The following NOTCH2 variants were observed in gnomAD, a reference collection of about 807,000 sequenced individuals.
NOTCH2 encodes the protein neurogenic locus notch homolog protein 2.
A neutral mutation model predicts 235.8 loss-of-function variants in NOTCH2; 29 were observed. The observed-to-expected ratio is 0.12, with a 90% confidence interval of 0.09 to 0.17. The LOEUF (loss-of-function observed/expected upper bound fraction) is 0.17. Among genes scored for constraint, NOTCH2 ranks in the 10% least tolerant of loss-of-function variants. The probability of loss-of-function intolerance (pLI) is 1.00; values close to 1 mark genes in which losing one functional copy is unlikely to be tolerated. For missense variants in NOTCH2, 2,285 were observed against 3,150.2 expected, an observed-to-expected ratio of 0.73 and a Z score of 6.57; for synonymous variants, 1,086 against 1,141.5, an observed-to-expected ratio of 0.95 and a Z score of 0.98.
At chr1:119,958,446 A>G (rs587651182) in intron 12 of NOTCH2, among the ~76,000 whole-genome samples, 5 of 152,380 alleles carry the variant, frequency 3.3e-5, no homozygotes, top group East Asian at 1.9e-4. Context: ...TGCTTTCTGC[A>G]GACTCTATCA....
Position 120,005,332 on chromosome 1 carries a change from T to C in NOTCH2, c.412A>G (p.Thr138Ala). 1 of 1,614,054 alleles carries C rather than the reference T, an allele frequency of 6.2e-7. No homozygotes were observed. Residue 138 changes from threonine to alanine, a missense_variant, in exon 3 of 34, where the codon ACA (threonine) becomes GCA (alanine). Transcript: ENST00000256646. The part of the protein sequence containing the change: ...TYECTCQVGF[T>A]GKECQWTDAC... Reference sequence around the variant, plus strand: ...TGGCTTTGGTCTCATTAGTTACCTGTAAACCCGACTTGACAGGTGCACTCA... The same window carrying C: ...TGGCTTTGGTCTCATTAGTTACCTGCAAACCCGACTTGACAGGTGCACTCA...
At chr1:119,971,811 A>G (rs1651371487) in intron 5 of NOTCH2, among the ~76,000 whole-genome samples, 2 of 152,234 alleles carry the variant, frequency 1.3e-5, no homozygotes, top group African/African-American at 4.8e-5. Context: ...CTGAAGCCCA[A>G]CTACTAGTAA....
intron 11 of NOTCH2, among the ~76,000 whole-genome samples, chr1:119,961,218 A>G (rs1251498589): frequency 1.3e-5 from 2 of 152,190 alleles, no homozygotes; most frequent in African/African-American, 2.4e-5. Flanking sequence ...CTGTACTGTC[A>G]TCCCATGATT....
At chr1:119,969,240 G>GCACT (rs1651269366) in intron 6 of NOTCH2, among the ~76,000 whole-genome samples, 1 of 152,208 alleles carries the variant, frequency 6.6e-6, no homozygotes, top group African/African-American at 2.4e-5. Context: ...AAGGACTTCA[G>GCACT]CAGATGTTCC....
chr1:119,954,075 A>G (rs587752215), intron 13 of NOTCH2, among the ~76,000 whole-genome samples: 16 of 152,310 alleles, frequency 1.1e-4, no homozygotes, highest in African/African-American at 3.6e-4. Flanking sequence ...ATAGATACCT[A>G]GGTCACTGTC....
chr1:119,951,694 A>G (rs1650480755), intron 14 of NOTCH2, among the ~76,000 whole-genome samples: 1 of 152,240 alleles, frequency 6.6e-6, no homozygotes, highest in African/African-American at 2.4e-5. Context: ...TGGAGATAGC[A>G]CAGTACCCAA....
chr1:119,923,945 G>A lies in NOTCH2; in HGVS notation c.4551C>T (p.His1517=). The A allele has an allele frequency of 6.2e-7, 1 of 1,614,198 alleles. No homozygotes were observed. The highest frequency in any genetic ancestry group is 8.5e-7 in the Non-Finnish European group (1 of 1,180,038). The change falls in exon 26 of 34, where the codon CAC becomes CAT. Residue 1517 remains histidine (H), a synonymous_variant. Coordinates refer to ENST00000256646, the MANE Select transcript of NOTCH2 (RefSeq NM_024408.4). ...KYCADHFKDN[H]CDQGCNSEEC... is the part of the protein sequence containing the mutation. ...CCTCACTGTTGCACCCCTGGTCACA[G>A]TGGTTGTCTTTGAAGTGGTCTGCAC...
intron 9 of NOTCH2, among the ~76,000 whole-genome samples, chr1:119,965,792 A>C (rs1651113493): frequency 6.6e-6 from 1 of 152,230 alleles, no homozygotes; most frequent in Non-Finnish European, 1.5e-5. Flanking sequence ...CTTCACTTCT[A>C]AATGAAGGAT....
rs1553195643 is a variant in NOTCH2, at chr1:119,935,599, G to C, written c.3528C>G (p.Val1176=). 1.2e-6 allele frequency: 2 copies of C among 1,614,004 alleles called. No homozygotes were observed. The highest frequency in any genetic ancestry group is 2.7e-5 in the African/African-American group (2 of 74,914). Residue 1176 remains valine (V), a synonymous_variant, in exon 22 of 34, where the codon GTC becomes GTG. Coordinates refer to ENST00000256646, the MANE Select transcript of NOTCH2 (RefSeq NM_024408.4). ...CACAGTTGACACCCTGATAGCCTGG[G>C]ACACACTGCCATGAGGAAACAAAAA... is the stretch of plus-strand genomic sequence containing the variant. The part of the protein sequence containing the change: ...DFIGGYRCEC[V]PGYQGVNCEY...
intron 4 of NOTCH2, among the ~76,000 whole-genome samples, chr1:119,989,007 CTAT>C (rs1652126112): frequency 1.3e-5 from 2 of 152,172 alleles, no homozygotes; most frequent in South Asian, 4.1e-4. Context: ...AACTGATTGA[CTAT>C]TGTTGAGGTA....
intron 2 of NOTCH2, among the ~76,000 whole-genome samples, chr1:120,009,090 T>C (rs1461095656): frequency 1.3e-5 from 2 of 152,078 alleles, no homozygotes; most frequent in Non-Finnish European, 2.9e-5. Context: ...GGGAAACACA[T>C]TCATGAGAAA....
At chr1:119,934,301 G>A (rs1272227062) in intron 22 of NOTCH2, among the ~76,000 whole-genome samples, 3 of 152,168 alleles carry the variant, frequency 2.0e-5, no homozygotes, top group African/African-American at 7.2e-5. Flanking sequence ...AGAACTGCGA[G>A]CCAAATATAC....
chr1:119,948,014 A>G (rs782376824), intron 17 of NOTCH2, among the ~76,000 whole-genome samples: 15 of 152,226 alleles, frequency 9.9e-5, no homozygotes, highest in Admixed American at 5.9e-4. Context: ...AATGGGATGA[A>G]GATAGTTTTA....
rs587670292 is a variant in NOTCH2, at chr1:119,959,696, A to T, written c.1916-194T>A. Among the ~76,000 whole-genome samples, 131 of 152,342 alleles carry T rather than the reference A, an allele frequency of 8.6e-4. 2 individuals carry two copies. In the South Asian group the frequency reaches 0.025, roughly 29 times the overall value. On this transcript the variant is annotated intron_variant, in intron 11 of 33. Transcript: ENST00000256646. ...TACAGGAGGTCCAAAGGATTTTATT[A>T]ATCATACTTAGCCATGATCTTTCCT...
At chr1:119,950,059 G>T (rs782090104) in intron 15 of NOTCH2, 11 of 192,854 alleles carry the variant, frequency 5.7e-5, no homozygotes, top group Admixed American at 3.7e-4. Flanking sequence ...GAACAGCTAT[G>T]TGACATGCAG....
intron 24 of NOTCH2, 119 bp downstream of exon 24, chr1:119,926,380 C>G: frequency 1.2e-6 from 1 of 844,022 alleles, no homozygotes; most frequent in Non-Finnish European, 2.0e-6. Flanking sequence ...TCTGAAAGAG[C>G]TAAAATTGAG....
chr1:120,002,526 C>A (rs1357353661), intron 3 of NOTCH2, among the ~76,000 whole-genome samples: 2 of 149,162 alleles, frequency 1.3e-5, no homozygotes, highest in African/African-American at 5.0e-5. Flanking sequence ...GCCTCTCCAT[C>A]AGGAAAAAAA....
chr1:119,922,883 TC>T, intron 26 of NOTCH2, 105 bp from the exon 27 acceptor site: 1 of 1,415,610 alleles, frequency 7.1e-7, no homozygotes, highest in South Asian at 1.2e-5. Context: ...CCTCCCTTCC[TC>T]CCCTTCAGCA....
At chr1:119,966,236 C>A (rs1419836838) in intron 9 of NOTCH2, 140 bp downstream of exon 9, 3 of 716,636 alleles carry the variant, frequency 4.2e-6, no homozygotes, top group Non-Finnish European at 7.7e-6. Context: ...TATTTCTGTA[C>A]ACACACACTC....
Sources: gnomAD v4.1 joint callset for allele counts (sites outside exome capture counted in the v4.1 genomes callset) on GRCh38, gnomAD v4.1.1 for gene constraint, MANE v1.5 for transcripts, NCBI Gene and HGNC (gene_info 2026-07-23, HGNC 2026-07-21) for gene names.